SAMMSON: variants seen among roughly 807,000 people sequenced by gnomAD.
The protein encoded by SAMMSON is long intergenic non-protein coding RNA 1212.
chr3:70,022,422 A>G (rs1046051088), intron 3 of SAMMSON, among the ~76,000 whole-genome samples: 1 of 115,184 alleles, frequency 8.7e-6, no homozygotes, highest in African/African-American at 4.0e-5. Context: ...TTAAAGTATA[A>G]TAACAAAAAA....
intron 9 of SAMMSON, among the ~76,000 whole-genome samples, chr3:70,385,959 C>G (rs183802127): frequency 2.0e-5 from 3 of 152,136 alleles, no homozygotes; most frequent in East Asian, 1.9e-4. Context: ...TTTGGACTAG[C>G]AATGTACTGC....
chr3:70,302,075 G>A lies in SAMMSON; in HGVS notation n.739+10832G>A, dbSNP rs112320723. Among the ~76,000 whole-genome samples the A allele has an allele frequency of 2.9e-3, 439 of 152,202 alleles. 2 individuals are homozygous for A. The highest frequency in any genetic ancestry group is 0.01 in the African/African-American group (417 of 41,562). ...GTCTTATTTAATACTATACTTCTATGAGTTGTCCTCTCTACTTTTTCTTGA... is the reference window on the plus strand; with the variant it reads ...GTCTTATTTAATACTATACTTCTATAAGTTGTCCTCTCTACTTTTTCTTGA... On this transcript the variant is annotated intron_variant and non_coding_transcript_variant, in intron 7 of 9. Transcript: ENST00000642114.
chr3:70,396,788 A>G (rs377180802), intron 2 of SAMMSON, among the ~76,000 whole-genome samples: 2 of 152,174 alleles, frequency 1.3e-5, no homozygotes, highest in Non-Finnish European at 2.9e-5. Context: ...TTTTTTTCTT[A>G]CAAGGAGCAG....
intron 4 of SAMMSON, among the ~76,000 whole-genome samples, chr3:70,169,597 C>G (rs1189590040): frequency 6.6e-6 from 1 of 150,946 alleles, no homozygotes; most frequent in Admixed American, 6.6e-5. Flanking sequence ...AAAATTGAAG[C>G]TAAATAAAAA....
intron 6 of SAMMSON, among the ~76,000 whole-genome samples, chr3:70,262,886 T>A (rs1032250768): frequency 6.6e-6 from 1 of 152,208 alleles, no homozygotes; most frequent in Admixed American, 6.5e-5. Flanking sequence ...TTTCTCCCAA[T>A]ATTTTTGTCT....
At chr3:70,126,388 C>T (rs1026970733) in intron 4 of SAMMSON, 4 of 878,332 alleles carry the variant, frequency 4.6e-6, no homozygotes, top group Non-Finnish European at 7.4e-6. Context: ...TTTATAGCTG[C>T]TTTTTAGGGA....
chr3:70,163,578 G>A (rs1199873170), intron 4 of SAMMSON, among the ~76,000 whole-genome samples: 1 of 151,818 alleles, frequency 6.6e-6, no homozygotes, highest in African/African-American at 2.4e-5. Flanking sequence ...CCAGGTTGGG[G>A]TTTTAACTTA....
At chr3:70,230,190 AT>A (rs1701544516) in intron 4 of SAMMSON, among the ~76,000 whole-genome samples, 1 of 152,170 alleles carries the variant, frequency 6.6e-6, no homozygotes, top group Non-Finnish European at 1.5e-5. Flanking sequence ...TTAACAGCAC[AT>A]TGTCTCTTAC....
chr3:70,372,118 G>C (rs1702975186), intron 9 of SAMMSON, among the ~76,000 whole-genome samples: 1 of 151,782 alleles, frequency 6.6e-6, no homozygotes. Flanking sequence ...TCATTATATT[G>C]ATTTCTTAAA....
At chr3:70,034,433 G>A (rs1256854958) in intron 3 of SAMMSON, among the ~76,000 whole-genome samples, 1 of 152,070 alleles carries the variant, frequency 6.6e-6, no homozygotes, top group Non-Finnish European at 1.5e-5. Context: ...CCATTGATAA[G>A]AGCCAAAAAA....
intron 4 of SAMMSON, among the ~76,000 whole-genome samples, chr3:70,131,618 G>A (rs901984569): frequency 5.3e-5 from 8 of 152,076 alleles, no homozygotes; most frequent in East Asian, 3.9e-4. Flanking sequence ...AGAGGGTTTC[G>A]CTTTGCTGCT....
intron 3 of SAMMSON, among the ~76,000 whole-genome samples, chr3:70,047,077 A>G (rs898274311): frequency 2.0e-5 from 3 of 152,126 alleles, no homozygotes; most frequent in African/African-American, 7.2e-5. Flanking sequence ...ATTTGGATGT[A>G]CCATTGTTCT....
chr3:70,090,612 T>G (rs1314224485), intron 4 of SAMMSON, among the ~76,000 whole-genome samples: 1 of 152,198 alleles, frequency 6.6e-6, no homozygotes, highest in Admixed American at 6.5e-5. Flanking sequence ...GTTAGTACTT[T>G]TGATATTTCC....
chr3:70,351,224 A>T (rs1213800309), intron 7 of SAMMSON, among the ~76,000 whole-genome samples: 1 of 152,244 alleles, frequency 6.6e-6, no homozygotes, highest in East Asian at 1.9e-4. Context: ...TCAAAAACAA[A>T]AGGAAGGATT....
At chr3:70,011,747 C>T (rs1443188298) in intron 1 of SAMMSON, among the ~76,000 whole-genome samples, 2 of 151,736 alleles carry the variant, frequency 1.3e-5, no homozygotes, top group Non-Finnish European at 2.9e-5. Context: ...TCAAACATAG[C>T]CTGGGAGGGA....
At chr3:70,118,496 G>C (rs761308391) in intron 4 of SAMMSON, among the ~76,000 whole-genome samples, 8 of 152,054 alleles carry the variant, frequency 5.3e-5, no homozygotes, top group African/African-American at 7.2e-5. Context: ...CATCATAAAA[G>C]GATTTCAGGT....
At chr3:70,297,446 G>A (rs919366783) in intron 7 of SAMMSON, among the ~76,000 whole-genome samples, 3 of 151,898 alleles carry the variant, frequency 2.0e-5, no homozygotes, top group African/African-American at 4.8e-5. Context: ...TAACCCTCAC[G>A]TTGTTTATTT....
chr3:70,296,517 A>T (rs947895217), intron 7 of SAMMSON, among the ~76,000 whole-genome samples: 1 of 152,168 alleles, frequency 6.6e-6, no homozygotes, highest in Non-Finnish European at 1.5e-5. Flanking sequence ...ATTTAAAAAA[A>T]ATCATTTGGT....
At chr3:70,325,438 T>C (rs537127144) in intron 7 of SAMMSON, among the ~76,000 whole-genome samples, 1 of 152,260 alleles carries the variant, frequency 6.6e-6, no homozygotes, top group South Asian at 2.1e-4. Context: ...AAAGATTGGA[T>C]AAGGCTCAAC....
Sources: gnomAD v4.1 joint callset for allele counts (sites outside exome capture counted in the v4.1 genomes callset) on GRCh38, gnomAD v4.1.1 for gene constraint, MANE v1.5 for transcripts, NCBI Gene and HGNC (gene_info 2026-07-23, HGNC 2026-07-21) for gene names.